The following RBFOX1 variants were observed in gnomAD, a reference collection of about 807,000 sequenced individuals.
The protein encoded by RBFOX1 is RNA binding protein fox-1 homolog 1.
A neutral mutation model predicts 57.7 loss-of-function variants in RBFOX1; 8 were observed. That is an observed-to-expected ratio of 0.14 (90% CI 0.08 to 0.25). The LOEUF is 0.25. RBFOX1 is among the 10% of genes least tolerant of loss of function. RBFOX1 has a pLI of 1.00. For synonymous variants in RBFOX1, 326 were observed against 222.4 expected (o/e 1.47, Z -4.15); for missense variants, 611 against 548.5 (o/e 1.11, Z -1.14).
chr16:6,142,030 G>T (rs2096720006), intron 1 of RBFOX1, among the ~76,000 whole-genome samples: 1 of 143,770 alleles, frequency 7.0e-6, no homozygotes, highest in African/African-American at 2.5e-5. Flanking sequence ...CTGCAGTCCA[G>T]CCTGGGTGAG....
At chr16:6,901,442 A>G (rs2068467624) in intron 3 of RBFOX1, among the ~76,000 whole-genome samples, 1 of 152,130 alleles carries the variant, frequency 6.6e-6, no homozygotes, top group African/African-American at 2.4e-5. Flanking sequence ...CAAGAGGTCA[A>G]AGGGTGCCTG....
intron 13 of RBFOX1, among the ~76,000 whole-genome samples, chr16:7,672,470 A>G (rs1211684465): frequency 6.6e-6 from 1 of 152,216 alleles, no homozygotes; most frequent in East Asian, 1.9e-4. Flanking sequence ...AGAAAGAGGT[A>G]CTTTGACCTA....
intron 3 of RBFOX1, among the ~76,000 whole-genome samples, chr16:5,836,505 C>T (rs2151837976): frequency 6.6e-6 from 1 of 152,300 alleles, no homozygotes. Flanking sequence ...CTTTAGGAGC[C>T]ATCCTCCATA....
chr16:7,247,459 C>G (rs550232721), intron 4 of RBFOX1, among the ~76,000 whole-genome samples: 1 of 152,068 alleles, frequency 6.6e-6, no homozygotes, highest in African/African-American at 2.4e-5. Flanking sequence ...GTGTTAAGTT[C>G]CTGGTATGTG....
At chr16:6,866,597 A>G (rs1016583711) in intron 3 of RBFOX1, among the ~76,000 whole-genome samples, 2 of 118,444 alleles carry the variant, frequency 1.7e-5, no homozygotes, top group African/African-American at 6.7e-5. Flanking sequence ...GCTGGAGTGC[A>G]GTGGTGCGAT....
chr16:7,679,213 C>T (rs1341672863), intron 14 of RBFOX1, among the ~76,000 whole-genome samples: 1 of 152,130 alleles, frequency 6.6e-6, no homozygotes, highest in Non-Finnish European at 1.5e-5. Context: ...AGAAAGAATA[C>T]CTTTTTATAG....
At chr16:5,353,766 C>T (rs569303216) in intron 1 of RBFOX1, among the ~76,000 whole-genome samples, 4 of 151,538 alleles carry the variant, frequency 2.6e-5, no homozygotes, top group South Asian at 2.1e-4. Flanking sequence ...GAGACACTGC[C>T]GAGTGCTCCC....
chr16:5,317,195 T>TTC (rs369981628), intron 1 of RBFOX1, among the ~76,000 whole-genome samples: 31 of 150,626 alleles, frequency 2.1e-4, no homozygotes, highest in South Asian at 8.4e-4. Context: ...AAATCCTTTC[T>TTC]TCTCTCTCTC....
intron 4 of RBFOX1, among the ~76,000 whole-genome samples, chr16:7,292,405 GTAT>G (rs1419187902): frequency 2.2e-5 from 3 of 137,790 alleles, no homozygotes; most frequent in East Asian, 2.0e-4. Flanking sequence ...AATATGTAAT[GTAT>G]TATATTATAT....
chr16:5,291,967 C>G (rs543541584), intron 1 of RBFOX1, among the ~76,000 whole-genome samples: 28 of 151,084 alleles, frequency 1.9e-4, no homozygotes, highest in African/African-American at 2.9e-4. Flanking sequence ...ATGAAGATGT[C>G]TAGACTTTCA....
intron 2 of RBFOX1, among the ~76,000 whole-genome samples, chr16:6,401,901 A>ATT (rs1233358671): frequency 6.6e-6 from 1 of 151,950 alleles, no homozygotes; most frequent in East Asian, 1.9e-4. Context: ...GAGAAGAGAA[A>ATT]TTGCTATTGT....
intron 5 of RBFOX1, among the ~76,000 whole-genome samples, chr16:7,555,674 C>G (rs1278662103): frequency 6.6e-6 from 1 of 152,164 alleles, no homozygotes; most frequent in Non-Finnish European, 1.5e-5. Flanking sequence ...CGCTTCATCA[C>G]TTTCTCACCG....
At chr16:7,127,516 G>A (rs1042139342) in intron 4 of RBFOX1, among the ~76,000 whole-genome samples, 1 of 152,172 alleles carries the variant, frequency 6.6e-6, no homozygotes, top group Non-Finnish European at 1.5e-5. Flanking sequence ...TTTACTTACA[G>A]GTCTTTTGGT....
chr16:7,058,857 A>G (rs138585693), intron 4 of RBFOX1, among the ~76,000 whole-genome samples: 76 of 152,278 alleles, frequency 5.0e-4, no homozygotes, highest in African/African-American at 1.4e-3. Context: ...GGGTTGCTTT[A>G]AAGATAAATA....
At chr16:5,587,667 C>T (rs544713624) in intron 2 of RBFOX1, among the ~76,000 whole-genome samples, 22 of 152,276 alleles carry the variant, frequency 1.4e-4, no homozygotes, top group Admixed American at 1.0e-3. Flanking sequence ...GAGCCAAGAT[C>T]GCGGCACTGT....
At chr16:5,958,443 C>T (rs2059689137) in intron 4 of RBFOX1, among the ~76,000 whole-genome samples, 2 of 152,276 alleles carry the variant, frequency 1.3e-5, no homozygotes, top group South Asian at 2.1e-4. Context: ...GATGCCAGAC[C>T]ACCACAGTCC....
intron 3 of RBFOX1, among the ~76,000 whole-genome samples, chr16:7,010,170 G>T (rs752949698): frequency 4.6e-5 from 7 of 152,234 alleles, no homozygotes; most frequent in Non-Finnish European, 8.8e-5. Context: ...TTAATCAGCT[G>T]TGAATACTAT....
chr16:7,492,828 G>A (rs1038224610), intron 4 of RBFOX1, among the ~76,000 whole-genome samples: 4 of 152,012 alleles, frequency 2.6e-5, no homozygotes, highest in East Asian at 1.9e-4. Flanking sequence ...ACCTTCCACC[G>A]TGAGTAAAAG....
chr16:5,362,568 G>C (rs1039676400), intron 1 of RBFOX1, among the ~76,000 whole-genome samples: 5 of 152,080 alleles, frequency 3.3e-5, no homozygotes, highest in African/African-American at 9.7e-5. Flanking sequence ...CTCCATGTTG[G>C]TCAGGCTGGT....
Sources: gnomAD v4.1 joint callset for allele counts (sites outside exome capture counted in the v4.1 genomes callset) on GRCh38, gnomAD v4.1.1 for gene constraint, MANE v1.5 for transcripts, NCBI Gene and HGNC (gene_info 2026-07-23, HGNC 2026-07-21) for gene names.